The following CEP83 variants were observed in gnomAD, a reference collection of about 807,000 sequenced individuals.
The protein encoded by CEP83 is centrosomal protein of 83 kDa.
A neutral mutation model predicts 101.9 loss-of-function variants in CEP83; 70 were observed. That is an observed-to-expected ratio of 0.69 (90% CI 0.57 to 0.84). CEP83 has a LOEUF of 0.84. Ranked by LOEUF, CEP83 falls within the 40% of genes least tolerant of loss-of-function variation. The pLI, the probability that CEP83 is intolerant of heterozygous loss-of-function variation, is 0.00. For missense variants in CEP83, 715 were observed against 787.2 expected (o/e 0.91, Z 1.10); for synonymous variants, 264 against 267.9 (o/e 0.99, Z 0.14).
chr12:94,286,087 A>G, the CEP83 span, among the ~76,000 whole-genome samples: 3 of 152,246 alleles, frequency 2.0e-5, no homozygotes, highest in Non-Finnish European at 2.9e-5. Flanking sequence ...CACTGCAGAC[A>G]TCGGCCGTGC....
In CEP83 at chr12:94,308,992, C is replaced by T. The variant is rs1379511116; in HGVS notation, c.2002-75G>A. ...GTTAGGTAGCAACCTTGGACTGCCTCTTTTATATATGCCTATAACATCTGG... is the reference window on the plus strand; with the variant it reads ...GTTAGGTAGCAACCTTGGACTGCCTTTTTTATATATGCCTATAACATCTGG... On this transcript the variant is annotated intron_variant, in intron 16 of 16. Transcript: ENST00000397809. 5.3e-6 allele frequency: 5 copies of T among 939,710 alleles called. No individual in the cohort carries two copies. The African/African-American group carries it at 6.5e-5, about 12-fold the overall frequency. The allele number at this position is 939,710 out of a possible 1,614,324, so 58.2% of individuals were successfully genotyped here.
chr12:94,298,735 C>T, the CEP83 span: 3 of 1,613,302 alleles, frequency 1.9e-6, no homozygotes, highest in Non-Finnish European at 2.5e-6. Context: ...TTTTTGGACG[C>T]CCAGGCTGAA....
At chr12:94,419,785 T>A (rs954141833) in intron 2 of CEP83, among the ~76,000 whole-genome samples, 1 of 152,072 alleles carries the variant, frequency 6.6e-6, no homozygotes, top group African/African-American at 2.4e-5. Flanking sequence ...GACAACTAGA[T>A]AACCTTGTAG....
At chr12:94,318,459 G>A (rs1276265951) in intron 14 of CEP83, among the ~76,000 whole-genome samples, 1 of 152,040 alleles carries the variant, frequency 6.6e-6, no homozygotes, top group Non-Finnish European at 1.5e-5. Context: ...ATGTTGAATG[G>A]GAGTGGTGAG....
At chr12:94,300,230 G>T in the CEP83 span, among the ~76,000 whole-genome samples, 1 of 152,168 alleles carries the variant, frequency 6.6e-6, no homozygotes, top group African/African-American at 2.4e-5. Flanking sequence ...TGAGTGCAGT[G>T]GAGAAAGTAG....
chr12:94,433,773 AG>A (rs556784404), intron 2 of CEP83, among the ~76,000 whole-genome samples: 24 of 152,144 alleles, frequency 1.6e-4, no homozygotes, highest in Non-Finnish European at 3.1e-4. Context: ...CCCAGCAAAA[AG>A]TATTTTAATG....
chr12:94,316,435 T>G (rs1296335319), intron 14 of CEP83, among the ~76,000 whole-genome samples: 1 of 152,170 alleles, frequency 6.6e-6, no homozygotes, highest in Non-Finnish European at 1.5e-5. Flanking sequence ...CTACTCTTTA[T>G]GTCCATTTCT....
chr12:94,305,580 A>G (rs982968762), downstream of CEP83: 6 of 307,350 alleles, frequency 2.0e-5, no homozygotes, highest in Non-Finnish European at 3.6e-5. Context: ...TTGTAACTAC[A>G]GTCTCCACTT....
chr12:94,340,382 C>T (rs953329173), intron 11 of CEP83, among the ~76,000 whole-genome samples: 4 of 151,982 alleles, frequency 2.6e-5, no homozygotes, highest in Non-Finnish European at 4.4e-5. Context: ...ATACCACGGT[C>T]GCAGTGGTAG....
intron 11 of CEP83, among the ~76,000 whole-genome samples, chr12:94,338,573 G>A (rs1179618999): frequency 6.6e-6 from 1 of 152,072 alleles, no homozygotes; most frequent in Admixed American, 6.5e-5. Flanking sequence ...AGGGGGAGAG[G>A]CATTAAAAAA....
chr12:94,300,453 G>A, the CEP83 span, among the ~76,000 whole-genome samples: 1 of 152,146 alleles, frequency 6.6e-6, no homozygotes, highest in Non-Finnish European at 1.5e-5. Flanking sequence ...AGGAGAGTTG[G>A]AATGAGCGCG....
downstream of CEP83, chr12:94,304,150 G>T: frequency 1.3e-6 from 1 of 756,388 alleles, no homozygotes; most frequent in African/African-American, 1.8e-5. Flanking sequence ...CATCCCAAAA[G>T]GCCAGAAAGG....
chr12:94,445,269 C>CCACA (rs1483911336), intron 1 of CEP83, among the ~76,000 whole-genome samples: 1 of 119,780 alleles, frequency 8.3e-6, no homozygotes, highest in African/African-American at 3.0e-5. Context: ...ATTGCCTTTT[C>CCACA]CATACACACA....
rs140557023 is a variant in CEP83, at chr12:94,324,947, A to AT, written c.1707+6752_1707+6753insA. 2.5e-3 allele frequency among the ~76,000 whole-genome samples: 386 copies of AT among 152,002 alleles called. 1 individual carries two copies. Among genetic ancestry groups the AT allele is most frequent in the African/African-American group, 9.0e-3 (373 of 41,452 alleles). On this transcript the variant is annotated intron_variant, in intron 14 of 16. Transcript: ENST00000397809. ...TGGCATAAATTTGGCCTCCTACTAT[A>AT]CCTCTTTCTATTCTAGCTCCCTGGG...
chr12:94,350,194 T>C (rs1271279748), intron 11 of CEP83, among the ~76,000 whole-genome samples: 1 of 152,190 alleles, frequency 6.6e-6, no homozygotes, highest in Non-Finnish European at 1.5e-5. Flanking sequence ...GAAATAATCC[T>C]GAAGAACAAA....
chr12:94,403,835 A>T, intron 4 of CEP83, among the ~76,000 whole-genome samples: 1 of 152,060 alleles, frequency 6.6e-6, no homozygotes, highest in East Asian at 1.9e-4. Context: ...GCACATAGGA[A>T]CCACTCAACT....
chr12:94,269,572 T>A, the CEP83 span, among the ~76,000 whole-genome samples: 1 of 152,224 alleles, frequency 6.6e-6, no homozygotes. Context: ...TTGCAGAAGA[T>A]CCATTAGCCC....
At chr12:94,413,996 AC>A (rs1190502072) in intron 2 of CEP83, among the ~76,000 whole-genome samples, 1 of 152,196 alleles carries the variant, frequency 6.6e-6, no homozygotes. Flanking sequence ...CTTGAATTAT[AC>A]CATCTCTGAT....
chr12:94,438,418 CT>C (rs2066158947), intron 1 of CEP83, among the ~76,000 whole-genome samples: 1 of 152,136 alleles, frequency 6.6e-6, no homozygotes, highest in African/African-American at 2.4e-5. Context: ...ACAAAACAAA[CT>C]TTAAAGCAAC....
Sources: allele counts gnomAD v4.1 joint callset (sites outside exome capture counted in the v4.1 genomes callset), GRCh38; gene constraint gnomAD v4.1.1; transcripts MANE v1.5; gene names NCBI Gene and HGNC (gene_info 2026-07-23, HGNC 2026-07-21).